The following HTR1F variants were observed in gnomAD, a reference collection of about 807,000 sequenced individuals.
HTR1F encodes 5-hydroxytryptamine (serotonin) receptor 1F, G protein-coupled.
A neutral mutation model predicts 24.0 loss-of-function variants in HTR1F; 17 were observed. That is an observed-to-expected ratio of 0.71 (90% CI 0.48 to 1.06). HTR1F has a LOEUF of 1.06. HTR1F is among the 50% of genes least tolerant of loss of function. The pLI, the probability that HTR1F is intolerant of heterozygous loss-of-function variation, is 0.00. For synonymous variants in HTR1F, 186 were observed against 156.8 expected (o/e 1.19, Z -1.39); for missense variants, 391 against 427.8 (o/e 0.91, Z 0.76).
At chr3:87,921,022 C>A (rs905538665) in intron 2 of HTR1F, among the ~76,000 whole-genome samples, 1 of 151,958 alleles carries the variant, frequency 6.6e-6, no homozygotes, top group African/African-American at 2.4e-5. Context: ...AATACTTGGT[C>A]TTTAATGTAA....
chr3:87,822,470 TC>T (rs1339913915), intron 2 of HTR1F, among the ~76,000 whole-genome samples: 1 of 152,160 alleles, frequency 6.6e-6, no homozygotes, highest in East Asian at 1.9e-4. Context: ...AAATACTAAA[TC>T]AGATAAAAAC....
rs35169317 is a variant in HTR1F at position 87,937,083 on chromosome 3, C to CAAAAAAA, written c.-42-53614_-42-53608dup. Among the ~76,000 whole-genome samples the CAAAAAAA allele has an allele frequency of 5.3e-5, 6 of 113,908 alleles. 1 individual carries two copies. Among genetic ancestry groups the CAAAAAAA allele is most frequent in the African/African-American group, 9.8e-5 (3 of 30,726 alleles). The allele number at this position is 113,908 out of a possible 152,430, so 74.7% of individuals were successfully genotyped here. ...TGGTACCATCCCTGTTGAAACTACC[C>CAAAAAAA]AAAAAAAAAAAAAAAAAGAGGACGG... On this transcript the variant is annotated intron_variant, in intron 2 of 2. Transcript: ENST00000319595.
At chr3:87,865,686 C>T (rs561389171) in intron 2 of HTR1F, among the ~76,000 whole-genome samples, 1 of 152,166 alleles carries the variant, frequency 6.6e-6, no homozygotes, top group Non-Finnish European at 1.5e-5. Flanking sequence ...TTTAACACTA[C>T]TCCCATTTCT....
At chr3:87,801,765 T>C (rs186104084) in intron 1 of HTR1F, among the ~76,000 whole-genome samples, 143 of 152,302 alleles carry the variant, frequency 9.4e-4, no homozygotes, top group African/African-American at 3.3e-3. Context: ...TGAGTTTTCC[T>C]TAGTGATTTT....
At chr3:87,893,791 T>C (rs990409037) in intron 2 of HTR1F, among the ~76,000 whole-genome samples, 4 of 152,212 alleles carry the variant, frequency 2.6e-5, no homozygotes, top group African/African-American at 9.6e-5. Context: ...AAAGCAAATA[T>C]CCATCTAAAA....
At chr3:87,905,475 T>C (rs1703642942) in intron 2 of HTR1F, among the ~76,000 whole-genome samples, 2 of 152,122 alleles carry the variant, frequency 1.3e-5, no homozygotes, top group Non-Finnish European at 2.9e-5. Flanking sequence ...TTCTTTTTCC[T>C]CATGAGTATA....
chr3:87,963,363 G>A (rs750084780), intron 2 of HTR1F, among the ~76,000 whole-genome samples: 1 of 152,034 alleles, frequency 6.6e-6, no homozygotes, highest in Non-Finnish European at 1.5e-5. Context: ...ACTATCTCTA[G>A]GAAAGCTTCT....
chr3:87,931,588 G>A (rs1262310368), intron 2 of HTR1F, among the ~76,000 whole-genome samples: 1 of 152,048 alleles, frequency 6.6e-6, no homozygotes, highest in African/African-American at 2.4e-5. Context: ...TGGATCAAAT[G>A]GTATATCTAG....
intron 2 of HTR1F, among the ~76,000 whole-genome samples, chr3:87,908,599 G>T (rs998037624): frequency 2.0e-5 from 3 of 151,964 alleles, no homozygotes; most frequent in Admixed American, 6.6e-5. Context: ...CTTAGAGAAA[G>T]AATTTTATAA....
Position 87,993,736 on chromosome 3 carries a change from G to A in HTR1F, c.*1886G>A, listed in dbSNP as rs1253085870. 1.2e-5 allele frequency: 2 copies of A among 166,940 alleles called. No homozygotes were observed. Among genetic ancestry groups the A allele is most frequent in the Non-Finnish European group, 2.9e-5 (2 of 68,086 alleles). 10.3% of individuals were successfully genotyped at this position (166,940 alleles called of 1,614,324 possible). Reference sequence around the variant, plus strand: ...GGCATTTTTGTGGCTGACTTTGAACGTCAGAAAAAAGTCTACAGTCAATTT... The same window carrying A: ...GGCATTTTTGTGGCTGACTTTGAACATCAGAAAAAAGTCTACAGTCAATTT... On this transcript the variant is annotated 3_prime_UTR_variant, in exon 3 of 3. Coordinates refer to ENST00000319595, the MANE Select transcript of HTR1F (RefSeq NM_001322209.2).
chr3:87,948,343 G>C (rs1283316190), intron 2 of HTR1F, among the ~76,000 whole-genome samples: 1 of 152,144 alleles, frequency 6.6e-6, no homozygotes, highest in Non-Finnish European at 1.5e-5. Flanking sequence ...GAGGCTCCAA[G>C]ACATTGTATT....
intron 2 of HTR1F, among the ~76,000 whole-genome samples, chr3:87,857,662 T>C (rs1203025455): frequency 6.6e-6 from 1 of 152,102 alleles, no homozygotes; most frequent in South Asian, 2.1e-4. Flanking sequence ...TCCCCACATA[T>C]GCATAGCCTC....
At chr3:87,939,254 G>A (rs1313103067) in intron 2 of HTR1F, among the ~76,000 whole-genome samples, 1 of 152,202 alleles carries the variant, frequency 6.6e-6, no homozygotes. Flanking sequence ...GCTTTTTGAT[G>A]TGCTACTGGA....
At chr3:87,836,388 C>G (rs1704683361) in intron 2 of HTR1F, among the ~76,000 whole-genome samples, 1 of 151,898 alleles carries the variant, frequency 6.6e-6, no homozygotes, top group Non-Finnish European at 1.5e-5. Flanking sequence ...AATAATGTGT[C>G]CTAGTAAACA....
intron 2 of HTR1F, among the ~76,000 whole-genome samples, chr3:87,823,287 C>T (rs1178833774): frequency 2.0e-5 from 3 of 152,026 alleles, no homozygotes; most frequent in Admixed American, 6.6e-5. Context: ...ACCCATTCTC[C>T]TTAGTATTAT....
intron 2 of HTR1F, among the ~76,000 whole-genome samples, chr3:87,858,725 T>C (rs562708519): frequency 6.6e-6 from 1 of 152,098 alleles, no homozygotes; most frequent in African/African-American, 2.4e-5. Flanking sequence ...CCTTTTTGCC[T>C]AAAAGCAAGT....
intron 2 of HTR1F, among the ~76,000 whole-genome samples, chr3:87,959,296 G>T (rs1392055676): frequency 6.6e-6 from 1 of 151,714 alleles, no homozygotes; most frequent in East Asian, 1.9e-4. Flanking sequence ...ATGAGACTGT[G>T]ATGTATAAGG....
intron 2 of HTR1F, among the ~76,000 whole-genome samples, chr3:87,927,111 A>T (rs1226908336): frequency 6.6e-6 from 1 of 152,152 alleles, no homozygotes; most frequent in Non-Finnish European, 1.5e-5. Flanking sequence ...ACACTCAGAG[A>T]TTCCGACCTG....
chr3:87,797,748 T>G (rs1703928590), intron 1 of HTR1F, among the ~76,000 whole-genome samples: 2 of 152,226 alleles, frequency 1.3e-5, no homozygotes, highest in South Asian at 4.1e-4. Context: ...CTGAAAAAGT[T>G]TCAAAAAGAA....
Sources: gnomAD v4.1 joint callset for allele counts (sites outside exome capture counted in the v4.1 genomes callset) on GRCh38, gnomAD v4.1.1 for gene constraint, MANE v1.5 for transcripts, NCBI Gene and HGNC (gene_info 2026-07-23, HGNC 2026-07-21) for gene names.